Variants in PCDHGB6 observed in about 807,000 individuals in gnomAD.
The protein encoded by PCDHGB6 is protocadherin gamma-B6.
PCDHGB6 carries 51 observed loss-of-function variants against 59.1 expected under a neutral mutation model. The ratio of observed to expected loss-of-function variants is 0.86; its 90% CI spans 0.69 to 1.09. The LOEUF (loss-of-function observed/expected upper bound fraction) is 1.09. Among genes scored for constraint, PCDHGB6 ranks in the 50% least tolerant of loss-of-function variants. The pLI, the probability that PCDHGB6 is intolerant of heterozygous loss-of-function variation, is 0.00. For synonymous variants in PCDHGB6, 466 were observed against 495.1 expected, an observed-to-expected ratio of 0.94 and a Z score of 0.78; for missense variants, 1,148 against 1,205.1, an observed-to-expected ratio of 0.95 and a Z score of 0.70.
chr5:141,436,118 T>C (rs188307595), intron 1 of PCDHGB6, among the ~76,000 whole-genome samples: 5 of 152,310 alleles, frequency 3.3e-5, no homozygotes, highest in Admixed American at 2.0e-4. Flanking sequence ...ATGAAACCTC[T>C]CTCCTCCATC....
rs777761385 is a variant in PCDHGB6 at position 141,489,558 on chromosome 5, G to T, written c.2419-5249G>T. 1.1e-5 allele frequency: 17 copies of T among 1,614,130 alleles called. No homozygotes were observed. In the South Asian group the frequency reaches 1.8e-4, roughly 17 times the overall value. On this transcript the variant is annotated intron_variant, in intron 1 of 3. Coordinates refer to ENST00000520790, the MANE Select transcript of PCDHGB6 (RefSeq NM_018926.3). The surrounding 1 kb of genome is among the most constrained non-coding windows in gnomAD (Gnocchi z 4.5). Reference sequence around the variant, plus strand: ...CCAGCACCAGCTGCCTGCTGCCAGTGCAGGTGGTGACTGAACACCCCCTGG... The same window carrying T: ...CCAGCACCAGCTGCCTGCTGCCAGTTCAGGTGGTGACTGAACACCCCCTGG...
At chr5:141,505,977 G>A (rs944259753) in intron 3 of PCDHGB6, among the ~76,000 whole-genome samples, 1 of 152,150 alleles carries the variant, frequency 6.6e-6, no homozygotes, top group East Asian at 1.9e-4. Flanking sequence ...CCAGCCGAGA[G>A]AACACCTCCT....
chr5:141,431,147 G>A lies in PCDHGB6; in HGVS notation c.2418+20527G>A, dbSNP rs1303502732. ...AGAAGTAAGGGACATTAACGACAAT[G>A]CGCCTTACTTTCGTGAAAGTGAATT... On this transcript the variant is annotated intron_variant, in intron 1 of 3. Coordinates refer to ENST00000520790, the MANE Select transcript of PCDHGB6 (RefSeq NM_018926.3). The surrounding 1 kb of genome is among the most constrained non-coding windows in gnomAD (Gnocchi z 4.8). 6.2e-7 allele frequency: 1 copy of A among 1,614,228 alleles called. No homozygotes were observed. The highest frequency in any genetic ancestry group is 1.7e-5 in the Admixed American group (1 of 60,030).
At chr5:141,419,533 C>T in intron 1 of PCDHGB6, 1 of 1,612,106 alleles carries the variant, frequency 6.2e-7, no homozygotes, top group Non-Finnish European at 8.5e-7. Context: ...GTAACGACAA[C>T]GCACCGCGGG....
chr5:141,457,386 A>G lies in PCDHGB6; in HGVS notation c.2419-37421A>G, dbSNP rs1303460358. Reference sequence around the variant, plus strand: ...TGCAAAATAATTGCCCAGAACTAGCATATTGATTCACATTTTCACATTACC... The same window carrying G: ...TGCAAAATAATTGCCCAGAACTAGCGTATTGATTCACATTTTCACATTACC... On this transcript the variant is annotated intron_variant, in intron 1 of 3. Transcript: ENST00000520790. Among the ~76,000 whole-genome samples the G allele has an allele frequency of 5.3e-5, 8 of 152,210 alleles. No homozygotes were observed. The East Asian group carries it at 1.3e-3, about 26-fold the overall frequency.
At chr5:141,478,355 G>T (rs1193169527) in intron 1 of PCDHGB6, 7 of 1,613,742 alleles carry the variant, frequency 4.3e-6, no homozygotes, top group Non-Finnish European at 5.1e-6. Flanking sequence ...CGCGGACGCC[G>T]TGCGGGGAGG....
rs747283905 is a variant in PCDHGB6, at chr5:141,491,693, G to A, written c.2419-3114G>A. On this transcript the variant is annotated intron_variant, in intron 1 of 3. Transcript: ENST00000520790. The surrounding 1 kb of genome is among the most constrained non-coding windows in gnomAD (Gnocchi z 6.9). ...TCCCGCTCTAATACGCTGCGGGAGC[G>A]GAGCCAGGTGAGGGGCTCGGCGCCG... 3.7e-5 allele frequency: 59 copies of A among 1,612,434 alleles called. No homozygotes were observed. Among genetic ancestry groups the A allele is most frequent in the Non-Finnish European group, 4.7e-5 (55 of 1,179,352 alleles).
chr5:141,410,222 G>A lies in PCDHGB6; in HGVS notation c.2020G>A (p.Asp674Asn). ...FADNLQEILP[D>N]LSDRPVLSDP... is the part of the protein sequence containing the mutation. ...AGACAACTTGCAAGAGATACTGCCAGACCTCAGCGACCGCCCTGTACTCTC... is the reference window on the plus strand; with the variant it reads ...AGACAACTTGCAAGAGATACTGCCAAACCTCAGCGACCGCCCTGTACTCTC... Residue 674 changes from aspartate (D) to asparagine (N), a missense_variant, in exon 1 of 4, where the codon GAC (aspartate) becomes AAC (asparagine). By Grantham distance (23) the Asp-to-Asn change is conservative. This residue lies in a region of PCDHGB6 where 5 missense variants were observed against 18.8 expected (regional missense o/e 0.27). Coordinates refer to ENST00000520790, the MANE Select transcript of PCDHGB6 (RefSeq NM_018926.3). The A allele has an allele frequency of 1.2e-6, 2 of 1,614,018 alleles. No homozygotes were observed. The highest frequency in any genetic ancestry group is 2.2e-5 in the South Asian group (2 of 91,088).
intron 1 of PCDHGB6, among the ~76,000 whole-genome samples, chr5:141,445,544 T>C (rs1223868698): frequency 6.6e-6 from 1 of 152,126 alleles, no homozygotes; most frequent in Non-Finnish European, 1.5e-5. Context: ...CAAGGAGAAA[T>C]ACAAAAGCAC....
At chr5:141,502,035 G>C (rs1371892057) in intron 2 of PCDHGB6, among the ~76,000 whole-genome samples, 1 of 152,078 alleles carries the variant, frequency 6.6e-6, no homozygotes, top group Non-Finnish European at 1.5e-5. Context: ...CCCGCCGCTT[G>C]CCTGCTCTCC....
At chr5:141,445,844 A>T (rs979756627) in intron 1 of PCDHGB6, among the ~76,000 whole-genome samples, 3 of 152,216 alleles carry the variant, frequency 2.0e-5, no homozygotes, top group Admixed American at 1.3e-4. Context: ...TGTAAATCAC[A>T]CTTAAAATTC....
rs773522759 is a variant in PCDHGB6, at chr5:141,419,457, A to G, written c.2418+8837A>G. The G allele has an allele frequency of 7.4e-6, 12 of 1,612,610 alleles. No homozygotes were observed. The South Asian group carries it at 1.3e-4, about 18-fold the overall frequency. On this transcript the variant is annotated intron_variant, in intron 1 of 3. Transcript: ENST00000520790. ...CTGCGCACCTTCGAGCTCACGCTGC[A>G]GGCCCGCGACCAGGGCTCGCCCGCG...
At chr5:141,413,724 C>T (rs751084568) in intron 1 of PCDHGB6, 2 of 1,613,426 alleles carry the variant, frequency 1.2e-6, no homozygotes, top group East Asian at 2.2e-5. Context: ...AGCACTTCTC[C>T]CTAAGAGTTC....
At chr5:141,471,021 A>C (rs1399168691) in intron 1 of PCDHGB6, among the ~76,000 whole-genome samples, 1 of 136,940 alleles carries the variant, frequency 7.3e-6, no homozygotes, top group African/African-American at 2.7e-5. Flanking sequence ...CTGGTCAATC[A>C]TTTTTATTAA....
intron 1 of PCDHGB6, chr5:141,422,905 G>A: frequency 6.2e-7 from 1 of 1,614,260 alleles, no homozygotes; most frequent in South Asian, 1.1e-5. Flanking sequence ...GAACGACAAT[G>A]CGCCCGAGAT....
rs191642740 is a variant in PCDHGB6 at position 141,509,833 on chromosome 5, C to T, written c.2567-1114C>T. On this transcript the variant is annotated intron_variant, in intron 3 of 3. Coordinates refer to ENST00000520790, the MANE Select transcript of PCDHGB6 (RefSeq NM_018926.3). ...GAGCTCTTCTCCATCTTCTCTCTAC[C>T]TCCCATTCACTCAGAACAGGGATAA... 2.6e-5 allele frequency among the ~76,000 whole-genome samples: 4 copies of T among 152,300 alleles called. No individual in the cohort carries two copies. The East Asian group carries it at 7.7e-4, about 29-fold the overall frequency.
At chr5:141,507,474 C>T (rs774159694) in intron 3 of PCDHGB6, among the ~76,000 whole-genome samples, 2 of 152,196 alleles carry the variant, frequency 1.3e-5, no homozygotes, top group Non-Finnish European at 2.9e-5. Flanking sequence ...GCAGGGACTG[C>T]TGGCCTCCTG....
At chr5:141,415,688 T>A (rs373105795) in intron 1 of PCDHGB6, 395 of 1,545,880 alleles carry the variant, frequency 2.6e-4, no homozygotes, top group Non-Finnish European at 3.3e-4. Context: ...GGCATGATGG[T>A]GGAAAGTGTA....
chr5:141,409,192 G>A lies in PCDHGB6; in HGVS notation c.990G>A (p.Gln330=). ...EAKDGGGLST[Q]CKVIIEILDE... is the part of the protein sequence containing the mutation. ...AGGACGGAGGTGGTCTCTCTACCCA[G>A]TGTAAAGTAATCATAGAAATCCTTG... Residue 330 remains glutamine, a synonymous_variant, in exon 1 of 4, where the codon CAG becomes CAA. Coordinates refer to ENST00000520790, the MANE Select transcript of PCDHGB6 (RefSeq NM_018926.3). 2.5e-6 allele frequency: 4 copies of A among 1,614,000 alleles called. No homozygotes were observed. Among genetic ancestry groups the A allele is most frequent in the Non-Finnish European group, 3.4e-6 (4 of 1,179,890 alleles).
Sources: allele counts gnomAD v4.1 joint callset (sites outside exome capture counted in the v4.1 genomes callset), GRCh38; gene constraint gnomAD v4.1.1; regional missense constraint gnomAD v4.1.1; non-coding constraint Gnocchi (gnomAD v3.1); transcripts MANE v1.5; gene names NCBI Gene and HGNC (gene_info 2026-07-23, HGNC 2026-07-21).